THBS4: variants seen among roughly 807,000 people sequenced by gnomAD.
THBS4 encodes thrombospondin-4.
In THBS4, 90 loss-of-function variants were observed where a neutral mutation model predicts 115.7. The observed-to-expected ratio is 0.78, with a 90% CI of 0.66 to 0.93. The LOEUF is 0.93. Ranked by LOEUF, THBS4 falls within the 40% of genes least tolerant of loss-of-function variation. The pLI, the probability that THBS4 is intolerant of heterozygous loss-of-function variation, is 0.00. For missense variants in THBS4, 1,087 were observed against 1,232.7 expected, an observed-to-expected ratio of 0.88 and a Z score of 1.77; for synonymous variants, 460 against 479.3, an observed-to-expected ratio of 0.96 and a Z score of 0.53.
intron 7 of THBS4, 112 bp downstream of exon 7, chr5:80,060,017 G>A: frequency 1.9e-6 from 2 of 1,061,522 alleles, no homozygotes; most frequent in Non-Finnish European, 2.8e-6. Flanking sequence ...TGTCCTCCAG[G>A]CTCCATTGAA....
chr5:80,035,602 CA>C lies in THBS4; in HGVS notation c.66del (p.Gly23AlafsTer19). The C allele has an allele frequency of 7.1e-7, 1 of 1,412,336 alleles. No homozygotes were observed. The highest frequency in any genetic ancestry group is 9.2e-7 in the Non-Finnish European group (1 of 1,082,910). 87.5% of individuals were successfully genotyped at this position (1,412,336 alleles called of 1,614,324 possible). A position where few individuals can be genotyped will look rare whatever the true frequency, so the allele number is the denominator to read the frequency against. ...CTGGTCCTGCAGCGGTGGCTAGCGG[CA>C]GGCGCCCAGGCCACCCCCCAGGGTA... is the stretch of plus-strand genomic sequence containing the variant. ...LHLVLQRWLA[A>X]GAQATPQVFD... On this transcript the variant is annotated frameshift_variant, in exon 1 of 22. Coordinates refer to ENST00000350881, the MANE Select transcript of THBS4 (RefSeq NM_003248.6). LOFTEE classifies it high-confidence loss of function. This position sits in a 1 kb window ranked among gnomAD's most constrained non-coding sequence, Gnocchi z 4.6.
chr5:80,077,945 G>A (rs1388160553), intron 16 of THBS4, 104 bp from the exon 17 acceptor site: 5 of 988,038 alleles, frequency 5.1e-6, no homozygotes, highest in Middle Eastern at 2.2e-4. Context: ...CCCTGGTTGT[G>A]GGAGCTTGAG....
chr5:80,080,551 A>G (rs1184886777), intron 20 of THBS4, among the ~76,000 whole-genome samples: 1 of 140,132 alleles, frequency 7.1e-6, no homozygotes, highest in Non-Finnish European at 1.5e-5. Context: ...CTGCTGGATC[A>G]CAAACTGCAT....
intron 2 of THBS4, among the ~76,000 whole-genome samples, chr5:80,043,950 A>C (rs561368459): frequency 1.3e-5 from 2 of 152,278 alleles, no homozygotes; most frequent in South Asian, 4.1e-4. Flanking sequence ...GCCTCCATGC[A>C]GCCTGAGCTT....
intron 2 of THBS4, among the ~76,000 whole-genome samples, chr5:80,012,690 T>C (rs1832151591): frequency 6.6e-6 from 1 of 152,176 alleles, no homozygotes. Context: ...TGGCCATCAG[T>C]GTCCATCACT....
At chr5:80,011,294 G>A (rs571788097) in intron 2 of THBS4, among the ~76,000 whole-genome samples, 1 of 152,180 alleles carries the variant, frequency 6.6e-6, no homozygotes, top group East Asian at 1.9e-4. Context: ...TCCCATGTAT[G>A]TCTTTATCAG....
upstream of THBS4, chr5:80,033,097 A>C: frequency 4.5e-6 from 1 of 221,826 alleles, no homozygotes; most frequent in African/African-American, 2.3e-5. Flanking sequence ...CACATGGCAG[A>C]ATTCAGAAAC....
chr5:80,072,421 A>G (rs1303341179), intron 14 of THBS4, 25 bp downstream of exon 14: 2 of 1,586,964 alleles, frequency 1.3e-6, no homozygotes, highest in Admixed American at 1.7e-5. Flanking sequence ...GGGGAATTCA[A>G]ACTCCAGGCT....
intron 17 of THBS4, 193 bp from the exon 18 acceptor site, chr5:80,078,728 T>G (rs1442940356): frequency 3.8e-6 from 2 of 525,442 alleles, no homozygotes; most frequent in African/African-American, 3.8e-5. Flanking sequence ...TTTGAGCTTT[T>G]TTTTAACCTT....
chr5:80,058,630 G>T, intron 4 of THBS4, 78 bp from the exon 5 acceptor site: 1 of 1,227,282 alleles, frequency 8.1e-7, no homozygotes, highest in Non-Finnish European at 1.2e-6. Context: ...ATGATTTCCT[G>T]GGGAATAATT....
At chr5:80,082,350 G>A (rs1743553699) in intron 20 of THBS4, 56 bp from the exon 21 acceptor site, 1 of 1,602,812 alleles carries the variant, frequency 6.2e-7, no homozygotes, top group Admixed American at 1.7e-5. Flanking sequence ...CCTCACAGTG[G>A]GCACTTTACC....
Position 80,078,219 on chromosome 5 carries a change from C to T in THBS4, c.2257C>T (p.Leu753=), listed in dbSNP as rs377028016. 1.3e-5 allele frequency: 20 copies of T among 1,584,500 alleles called. No homozygotes were observed. The highest frequency in any genetic ancestry group is 1.7e-5 in the Non-Finnish European group (20 of 1,159,326). Reference sequence around the variant, plus strand: ...CCAGATCGATCCCAACTGGGTGGTCCTGAACCAGGTGAGTGTCACATGGGC... The same window carrying T: ...CCAGATCGATCCCAACTGGGTGGTCTTGAACCAGGTGAGTGTCACATGGGC... ...DAQIDPNWVV[L]NQGMEIVQTM... is the part of the protein sequence containing the mutation. Residue 753 remains leucine (L), a synonymous_variant, in exon 17 of 22, where the codon CTG becomes TTG. Transcript: ENST00000350881.
chr5:80,065,500 G>A, intron 9 of THBS4, 23 bp downstream of exon 9: 1 of 1,607,838 alleles, frequency 6.2e-7, no homozygotes, highest in Non-Finnish European at 8.5e-7. Flanking sequence ...CACAGCTGTT[G>A]TTATCAAAGC....
intron 2 of THBS4, among the ~76,000 whole-genome samples, chr5:80,004,819 C>T (rs1831983464): frequency 6.6e-6 from 1 of 152,034 alleles, no homozygotes; most frequent in African/African-American, 2.4e-5. Flanking sequence ...CTCACTGCAA[C>T]CTCCGCCTCC....
At position 80,076,950 on chromosome 5, in the gene THBS4, G is replaced by A; in HGVS notation, c.1988G>A (p.Cys663Tyr). 2 of 1,613,894 alleles carry A rather than the reference G, an allele frequency of 1.2e-6. No homozygotes were observed. Among genetic ancestry groups the A allele is most frequent in the Non-Finnish European group, 1.7e-6 (2 of 1,179,904 alleles). ...DTDKDGIGDE[C>Y]DDDDDNDGIP... Reference sequence around the variant, plus strand: ...GATAAGGATGGAATTGGTGACGAGTGTGATGATGATGATGACAATGATGGT... The same window carrying A: ...GATAAGGATGGAATTGGTGACGAGTATGATGATGATGATGACAATGATGGT... The change falls in exon 16 of 22, where the codon TGT becomes TAT. Residue 663 changes from cysteine (C) to tyrosine (Y), a missense_variant. Physicochemically the swap from Cys to Tyr is radical, Grantham distance 194. Around this residue, in one of 3 missense-constraint regions of THBS4, gnomAD observed 979 missense variants for 1,103.7 expected, o/e 0.89. Transcript: ENST00000350881.
chr5:79,994,075 AG>A, intron 1 of THBS4, among the ~76,000 whole-genome samples: 1 of 152,244 alleles, frequency 6.6e-6, no homozygotes, highest in Non-Finnish European at 1.5e-5. Context: ...TTTATCTCTG[AG>A]ATGCTATCAT....
At chr5:80,058,618 G>A in intron 4 of THBS4, 90 bp from the exon 5 acceptor site, 1 of 1,131,610 alleles carries the variant, frequency 8.8e-7, no homozygotes, top group South Asian at 1.3e-5. Flanking sequence ...CATCTTGTCA[G>A]GATGATTTCC....
At chr5:80,051,695 T>C (rs1252652302) in intron 2 of THBS4, among the ~76,000 whole-genome samples, 1 of 152,240 alleles carries the variant, frequency 6.6e-6, no homozygotes, top group Non-Finnish European at 1.5e-5. Context: ...AAACTTTATT[T>C]TCTATATAAA....
chr5:80,079,400 C>T, intron 19 of THBS4, 142 bp downstream of exon 19: 1 of 919,868 alleles, frequency 1.1e-6, no homozygotes, highest in East Asian at 2.7e-5. Flanking sequence ...GGGAAGACTA[C>T]AGTTGACCCT....
Sources: allele counts gnomAD v4.1 joint callset (sites outside exome capture counted in the v4.1 genomes callset), GRCh38; gene constraint gnomAD v4.1.1; regional missense constraint gnomAD v4.1.1; non-coding constraint Gnocchi (gnomAD v3.1); transcripts MANE v1.5; gene names NCBI Gene and HGNC (gene_info 2026-07-23, HGNC 2026-07-21).